The following DMTF1 variants were observed in gnomAD, a reference collection of about 807,000 sequenced individuals.
The protein encoded by DMTF1 is cyclin D binding myb like transcription factor 1.
DMTF1 carries 39 observed loss-of-function variants against 91.1 expected under a neutral mutation model. The observed-to-expected ratio is 0.43, with a 90% CI of 0.33 to 0.56. The LOEUF is 0.56. Ranked by LOEUF, DMTF1 falls within the 20% of genes least tolerant of loss-of-function variation. The pLI, the probability that DMTF1 is intolerant of heterozygous loss-of-function variation, is 0.05. For missense variants in DMTF1, 750 were observed against 914.5 expected, an observed-to-expected ratio of 0.82 and a Z score of 2.32; for synonymous variants, 338 against 309.5, an observed-to-expected ratio of 1.09 and a Z score of -0.97.
chr7:87,155,272 C>G (rs1252142886), intron 1 of DMTF1, among the ~76,000 whole-genome samples: 2 of 152,154 alleles, frequency 1.3e-5, no homozygotes, highest in African/African-American at 4.8e-5. Flanking sequence ...AAGGAGGGTT[C>G]ATTCTACTTT....
chr7:87,182,427 G>A (rs1158847569), intron 10 of DMTF1, 90 bp downstream of exon 10: 2 of 1,222,764 alleles, frequency 1.6e-6, no homozygotes, highest in East Asian at 2.4e-5. Flanking sequence ...CTTGGGGAGC[G>A]ATTTAGATCA....
At chr7:87,161,902 T>C (rs985916551) in intron 1 of DMTF1, among the ~76,000 whole-genome samples, 24 of 152,242 alleles carry the variant, frequency 1.6e-4, no homozygotes, top group African/African-American at 4.3e-4. Flanking sequence ...TGGGAAAATA[T>C]ATTGCAGTAT....
intron 6 of DMTF1, among the ~76,000 whole-genome samples, chr7:87,174,285 C>CTT (rs1454582539): frequency 6.6e-6 from 1 of 152,008 alleles, no homozygotes; most frequent in African/African-American, 2.4e-5. Flanking sequence ...GCATGTTTGG[C>CTT]TTTTTTTATT....
intron 1 of DMTF1, among the ~76,000 whole-genome samples, chr7:87,158,249 T>C (rs1791308856): frequency 6.6e-6 from 1 of 152,082 alleles, no homozygotes; most frequent in Admixed American, 6.5e-5. Context: ...TCCAATGTAC[T>C]TGGTAAAGAT....
intron 6 of DMTF1, 44 bp from the exon 7 acceptor site, chr7:87,174,549 C>G (rs1377579264): frequency 7.8e-7 from 1 of 1,285,788 alleles, no homozygotes; most frequent in South Asian, 1.3e-5. Context: ...TTATTTCTTT[C>G]AAGGAGTAAC....
At chr7:87,175,029 T>TG (rs976301263) in intron 7 of DMTF1, among the ~76,000 whole-genome samples, 98 of 151,684 alleles carry the variant, frequency 6.5e-4, no homozygotes, top group African/African-American at 2.2e-3. Flanking sequence ...TTTTTGTTTT[T>TG]TTTTTTTTTG....
At chr7:87,177,326 A>G (rs1405064820) in intron 7 of DMTF1, among the ~76,000 whole-genome samples, 4 of 152,076 alleles carry the variant, frequency 2.6e-5, no homozygotes, top group African/African-American at 7.2e-5. Context: ...ATTTGTACCA[A>G]TCTAGTGGGT....
chr7:87,170,888 A>C, intron 4 of DMTF1, 107 bp from the exon 5 acceptor site: 1 of 710,498 alleles, frequency 1.4e-6, no homozygotes, highest in Admixed American at 2.4e-5. Flanking sequence ...ATTAACAAGG[A>C]GTGTGTTAGG....
At position 87,173,579 on chromosome 7, in the gene DMTF1, CGAG is replaced by C. The variant is rs748452977; in HGVS notation, c.375_377del (p.Glu126del). On this transcript the variant is annotated inframe_deletion, in exon 6 of 18. Transcript: ENST00000331242. Reference sequence around the variant, plus strand: ...TAGATGAAATATCTCCCTTGGGTAACGAGGAAGTTTCAGCAGTTAGCCAAGCAT... The same window carrying C: ...TAGATGAAATATCTCCCTTGGGTAACGAAGTTTCAGCAGTTAGCCAAGCAT... The C allele has an allele frequency of 3.1e-6, 5 of 1,607,884 alleles. No individual in the cohort carries two copies. The highest frequency in any genetic ancestry group is 2.2e-5 in the East Asian group (1 of 44,520).
chr7:87,179,836 T>C (rs541225399), intron 8 of DMTF1, 134 bp downstream of exon 8: 2 of 796,054 alleles, frequency 2.5e-6, no homozygotes, highest in Non-Finnish European at 1.9e-6. Flanking sequence ...CAGGTCCATG[T>C]TGTGAATATG....
intron 1 of DMTF1, among the ~76,000 whole-genome samples, chr7:87,156,776 T>A (rs1157574765): frequency 2.6e-5 from 4 of 152,154 alleles, no homozygotes; most frequent in Non-Finnish European, 5.9e-5. Flanking sequence ...AAATTTATCT[T>A]CCAAATTCCT....
In DMTF1 at chr7:87,195,389, T is replaced by C. The variant is rs1801042039; in HGVS notation, c.*249T>C. Reference sequence around the variant, plus strand: ...TTAAGCATAAATCCCTGTTTAGTGTTACATGGGAATAAGGAATTTCATTCA... The same window carrying C: ...TTAAGCATAAATCCCTGTTTAGTGTCACATGGGAATAAGGAATTTCATTCA... On this transcript the variant is annotated 3_prime_UTR_variant, in exon 18 of 18. Transcript: ENST00000331242. The C allele has an allele frequency of 3.0e-6, 1 of 337,484 alleles. No homozygotes were observed. The highest frequency in any genetic ancestry group is 2.1e-5 in the African/African-American group (1 of 46,828). 20.9% of individuals were successfully genotyped at this position (337,484 alleles called of 1,614,324 possible).
Position 87,193,820 on chromosome 7 carries a change from T to G in DMTF1, c.1746T>G (p.Ser582=). The change falls in exon 16 of 18, where the codon TCT becomes TCG. Residue 582 remains serine, a synonymous_variant. Coordinates refer to ENST00000331242, the MANE Select transcript of DMTF1 (RefSeq NM_001142327.2). ...CTGTTGCCACAGAGGACATCACTTCTTCCATATCCCAAGCAGAACTGACAG... is the reference window on the plus strand; with the variant it reads ...CTGTTGCCACAGAGGACATCACTTCGTCCATATCCCAAGCAGAACTGACAG... ...IQTVATEDIT[S]SISQAELTVD... The G allele has an allele frequency of 6.2e-7, 1 of 1,613,282 alleles. No homozygotes were observed. Among genetic ancestry groups the G allele is most frequent in the African/African-American group, 1.3e-5 (1 of 74,914 alleles).
chr7:87,194,549 G>C (rs1282852426), intron 16 of DMTF1, 135 bp from the exon 17 acceptor site: 1 of 610,246 alleles, frequency 1.6e-6, no homozygotes, highest in African/African-American at 1.9e-5. Flanking sequence ...GTCCCTGTGA[G>C]ACCTTAACTT....
intron 9 of DMTF1, 107 bp from the exon 10 acceptor site, chr7:87,182,121 A>G (rs1362227835): frequency 3.8e-6 from 6 of 1,563,086 alleles, no homozygotes; most frequent in Admixed American, 1.9e-5. Context: ...TGCTGCCCAC[A>G]ACTTCCAAAC....
intron 5 of DMTF1, among the ~76,000 whole-genome samples, chr7:87,171,758 G>T (rs1328116788): frequency 2.6e-5 from 4 of 152,020 alleles, no homozygotes; most frequent in African/African-American, 9.7e-5. Context: ...TGAAAAATGG[G>T]GGTAAAATAC....
chr7:87,166,418 A>G (rs1793841245), intron 3 of DMTF1, 65 bp from the exon 4 acceptor site: 3 of 1,524,256 alleles, frequency 2.0e-6, no homozygotes, highest in South Asian at 1.2e-5. Context: ...TTGTAGAGCC[A>G]TTGTTAGAGA....
rs765793812 is a variant in DMTF1 at position 87,194,839 on chromosome 7, A to C, written c.2173+11A>C. On this transcript the variant is annotated intron_variant, in intron 17 of 17. Transcript: ENST00000331242. ...TGACAACACTAACAGGTACTGTAAT[A>C]TAATACTTACTATGTGCCTGATAAA... 1 of 1,597,412 alleles carries C rather than the reference A, an allele frequency of 6.3e-7. No individual in the cohort carries two copies. Among genetic ancestry groups the C allele is most frequent in the Non-Finnish European group, 8.5e-7 (1 of 1,172,398 alleles).
At position 87,196,149 on chromosome 7, in the gene DMTF1, GAAAAA is replaced by G. The variant is rs879624680; in HGVS notation, c.*1014_*1018del. Reference sequence around the variant, plus strand: ...AATATGACCCCTATAGAAAAGTCAAGAAAAAAAAACCCTTGTATAAATTATTTTAT... The same window carrying G: ...AATATGACCCCTATAGAAAAGTCAAGAAAACCCTTGTATAAATTATTTTAT... On this transcript the variant is annotated 3_prime_UTR_variant, in exon 18 of 18. Transcript: ENST00000331242. 1.3e-5 allele frequency: 2 copies of G among 151,296 alleles called. No individual in the cohort carries two copies. The highest frequency in any genetic ancestry group is 4.9e-5 in the African/African-American group (2 of 41,058). 9.4% of individuals were successfully genotyped at this position (151,296 alleles called of 1,614,324 possible).
Sources: allele counts gnomAD v4.1 joint callset (sites outside exome capture counted in the v4.1 genomes callset), GRCh38; gene constraint gnomAD v4.1.1; transcripts MANE v1.5; gene names NCBI Gene and HGNC (gene_info 2026-07-23, HGNC 2026-07-21).